CHMP3: variants seen among roughly 807,000 people sequenced by gnomAD.
CHMP3 encodes the protein 25.1 protein.
In CHMP3, 8 loss-of-function variants were observed where a neutral mutation model predicts 27.4. The ratio of observed to expected loss-of-function variants is 0.29; its 90% CI spans 0.17 to 0.53. The LOEUF is 0.53. CHMP3 is among the 20% of genes least tolerant of loss of function. The pLI, the probability that CHMP3 is intolerant of heterozygous loss-of-function variation, is 0.96. For synonymous variants in CHMP3, 86 were observed against 85.5 expected (o/e 1.01, Z -0.03); for missense variants, 208 against 271.5 (o/e 0.77, Z 1.64).
At position 86,519,102 on chromosome 2, in the gene CHMP3, G is replaced by A. The variant is rs530198293; in HGVS notation, c.287-8623C>T. Among the ~76,000 whole-genome samples, 14 of 152,148 alleles carry A rather than the reference G, an allele frequency of 9.2e-5. No individual in the cohort carries two copies. In the East Asian group the frequency reaches 2.5e-3, roughly 27 times the overall value. On this transcript the variant is annotated intron_variant, in intron 3 of 5. Coordinates refer to ENST00000263856, the MANE Select transcript of CHMP3 (RefSeq NM_016079.4). ...AAAAAAGCAAAGGAGGGCCGGGCAC[G>A]GTGGCTCACGCCTGTAATCCCAGCA...
chr2:86,522,650 T>G lies in CHMP3; in HGVS notation c.286+6568A>C, dbSNP rs186952777. ...CTCAGCCTTGTTTATACCTTCACTCTGCACCTGTTCTTCTGTCTTCTACTC... is the reference window on the plus strand; with the variant it reads ...CTCAGCCTTGTTTATACCTTCACTCGGCACCTGTTCTTCTGTCTTCTACTC... On this transcript the variant is annotated intron_variant, in intron 3 of 5. Transcript: ENST00000263856. 1.2e-3 allele frequency among the ~76,000 whole-genome samples: 176 copies of G among 152,306 alleles called. 1 individual carries two copies. Among genetic ancestry groups the G allele is most frequent in the African/African-American group, 3.9e-3 (162 of 41,568 alleles).
rs915158902 is a variant in CHMP3, at chr2:86,554,821, G to A, written c.45+8483C>T. 3.5e-3 allele frequency among the ~76,000 whole-genome samples: 493 copies of A among 141,436 alleles called. 3 individuals carry two copies. The highest frequency in any genetic ancestry group is 0.013 in the African/African-American group (474 of 35,402). The allele number at this position is 141,436 out of a possible 152,430, so 92.8% of individuals were successfully genotyped here. A position where few individuals can be genotyped will look rare whatever the true frequency, so the allele number is the denominator to read the frequency against. On this transcript the variant is annotated intron_variant, in intron 1 of 5. Coordinates refer to ENST00000263856, the MANE Select transcript of CHMP3 (RefSeq NM_016079.4). ...AGAATAAATGTGTGTGCGCGCGTGTGTGTGTGTGTGTGTGTGTGTGTGTGT... is the reference window on the plus strand; with the variant it reads ...AGAATAAATGTGTGTGCGCGCGTGTATGTGTGTGTGTGTGTGTGTGTGTGT...
At chr2:86,559,409 C>T (rs962797459) in intron 1 of CHMP3, among the ~76,000 whole-genome samples, 11 of 152,152 alleles carry the variant, frequency 7.2e-5, no homozygotes, top group African/African-American at 2.2e-4. Context: ...CTTCATAATC[C>T]CCAGTCAATT....
intron 1 of CHMP3, among the ~76,000 whole-genome samples, chr2:86,545,396 A>AGGCGCTCCCC (rs1676533456): frequency 7.5e-6 from 1 of 132,678 alleles, no homozygotes; most frequent in African/African-American, 2.9e-5. Flanking sequence ...GGCCGGGCAG[A>AGGCGCTCCCC]GGCGCTCCCC....
intron 3 of CHMP3, among the ~76,000 whole-genome samples, chr2:86,528,619 A>G (rs1675802532): frequency 6.6e-6 from 1 of 152,248 alleles, no homozygotes; most frequent in Admixed American, 6.5e-5. Context: ...AATTAAGAAA[A>G]GAAACCAACT....
chr2:86,547,980 C>T (rs1196705594), intron 1 of CHMP3, among the ~76,000 whole-genome samples: 1 of 152,010 alleles, frequency 6.6e-6, no homozygotes, highest in African/African-American at 2.4e-5. Context: ...AAACTAACAC[C>T]ATTAAGAGGT....
At chr2:86,506,057 C>A in intron 5 of CHMP3, 108 bp from the exon 6 acceptor site, 1 of 1,314,424 alleles carries the variant, frequency 7.6e-7, no homozygotes. Context: ...AAAAATGAGA[C>A]AGTACAGCAA....
intron 2 of CHMP3, among the ~76,000 whole-genome samples, chr2:86,537,662 A>G (rs575187297): frequency 3.9e-4 from 60 of 152,298 alleles, no homozygotes; most frequent in African/African-American, 1.4e-3. Context: ...CTTTTTTAAA[A>G]TTGGCATAGG....
intron 4 of CHMP3, among the ~76,000 whole-genome samples, chr2:86,509,942 T>C (rs1040852251): frequency 2.6e-5 from 4 of 152,212 alleles, no homozygotes; most frequent in Non-Finnish European, 5.9e-5. Context: ...TCTATTTGAT[T>C]CTCAGTCTCT....
At chr2:86,544,513 C>T (rs1305168143) in intron 1 of CHMP3, among the ~76,000 whole-genome samples, 1 of 152,082 alleles carries the variant, frequency 6.6e-6, no homozygotes, top group Non-Finnish European at 1.5e-5. Context: ...GTTTGTGTCC[C>T]TGGGTACTTG....
chr2:86,559,294 T>A (rs1677253894), intron 1 of CHMP3, among the ~76,000 whole-genome samples: 1 of 152,220 alleles, frequency 6.6e-6, no homozygotes, highest in South Asian at 2.1e-4. Flanking sequence ...CCATCAGTGC[T>A]ACCCCAACTC....
chr2:86,507,534 T>G lies in CHMP3; in HGVS notation c.468A>C (p.Glu156Asp), dbSNP rs745536967. ...DTFESMDDQE[E>D]MEEEAEMEID... is the part of the protein sequence containing the mutation. ...TTTCCATTTCTGCTTCTTCCTCCAT[T>G]TCTTCCTGATCGTCCATGCTTTCAA... is the stretch of plus-strand genomic sequence containing the variant. The change falls in exon 5 of 6, where the codon GAA (glutamate) becomes GAC (aspartate). Residue 156 changes from glutamate to aspartate, a missense_variant. Glu to Asp is a conservative substitution (Grantham distance 45). Coordinates refer to ENST00000263856, the MANE Select transcript of CHMP3 (RefSeq NM_016079.4). 15 of 1,614,062 alleles carry G rather than the reference T, an allele frequency of 9.3e-6. No homozygotes were observed. The highest frequency in any genetic ancestry group is 1.6e-4 in the Middle Eastern group (1 of 6,084).
intron 4 of CHMP3, among the ~76,000 whole-genome samples, chr2:86,508,692 T>C (rs867513255): frequency 6.6e-6 from 1 of 152,192 alleles, no homozygotes; most frequent in South Asian, 2.1e-4. Flanking sequence ...TCAGTGACTA[T>C]GCTGAAGGGT....
intron 1 of CHMP3, among the ~76,000 whole-genome samples, chr2:86,549,953 GCTC>G (rs1340809933): frequency 1.3e-5 from 2 of 151,986 alleles, no homozygotes; most frequent in Non-Finnish European, 2.9e-5. Context: ...GGGCTGATAC[GCTC>G]CTCACTTCCC....
rs115153788 is a variant in CHMP3 at position 86,550,910 on chromosome 2, C to T, written c.46-8598G>A. On this transcript the variant is annotated intron_variant, in intron 1 of 5. Transcript: ENST00000263856. ...GATGTACATACGTTATATGCAATTA[C>T]CTTTTTCTTTTTAAATCAAGTACTT... is the stretch of plus-strand genomic sequence containing the variant. 2.0e-3 allele frequency among the ~76,000 whole-genome samples: 299 copies of T among 152,234 alleles called. 3 individuals are homozygous for T. The highest frequency in any genetic ancestry group is 6.8e-3 in the African/African-American group (283 of 41,540).
chr2:86,546,501 A>C (rs1383296671), intron 1 of CHMP3, among the ~76,000 whole-genome samples: 1 of 149,918 alleles, frequency 6.7e-6, no homozygotes, highest in African/African-American at 2.5e-5. Context: ...ACAGTGGCGC[A>C]ATCTCAGCTC....
At chr2:86,538,355 T>A (rs936492237) in intron 2 of CHMP3, among the ~76,000 whole-genome samples, 4 of 152,168 alleles carry the variant, frequency 2.6e-5, no homozygotes, top group African/African-American at 9.7e-5. Flanking sequence ...GTGGTGATGG[T>A]TGCACAACAT....
At chr2:86,549,978 C>T (rs547608936) in intron 1 of CHMP3, among the ~76,000 whole-genome samples, 14 of 152,222 alleles carry the variant, frequency 9.2e-5, no homozygotes, top group South Asian at 6.2e-4. Context: ...GACGGGGTGG[C>T]GGCCGGGCAG....
intron 1 of CHMP3, among the ~76,000 whole-genome samples, chr2:86,554,060 G>A (rs1300763849): frequency 1.3e-5 from 2 of 152,138 alleles, no homozygotes; most frequent in Admixed American, 6.5e-5. Flanking sequence ...TGGAATTAAT[G>A]CCCTTATAAA....
Sources: gnomAD v4.1 joint callset for allele counts (sites outside exome capture counted in the v4.1 genomes callset) on GRCh38, gnomAD v4.1.1 for gene constraint, MANE v1.5 for transcripts, NCBI Gene and HGNC (gene_info 2026-07-23, HGNC 2026-07-21) for gene names.